Variants in PADI6 observed in about 807,000 individuals in gnomAD.
PADI6 encodes inactive protein-arginine deiminase type-6.
PADI6 carries 66 observed loss-of-function variants against 78.2 expected under a neutral mutation model. That is an observed-to-expected ratio of 0.84 (90% CI 0.69 to 1.04). The LOEUF (loss-of-function observed/expected upper bound fraction) is 1.04, where lower values mean the gene tolerates loss of function less well. PADI6 is among the 50% of genes least tolerant of loss of function. The pLI is 0.00. For missense variants in PADI6, 854 were observed against 866.1 expected (o/e 0.99, Z 0.18); for synonymous variants, 397 against 346.9 (o/e 1.14, Z -1.60).
chr1:17,396,315 G>C (rs964265129), intron 13 of PADI6, among the ~76,000 whole-genome samples: 4 of 152,230 alleles, frequency 2.6e-5, no homozygotes, highest in Non-Finnish European at 5.9e-5. Context: ...TAACCTGGGA[G>C]GTGGAGGTTG....
chr1:17,388,744 G>T, intron 7 of PADI6, 33 bp from the exon 8 acceptor site: 1 of 1,592,066 alleles, frequency 6.3e-7, no homozygotes, highest in Non-Finnish European at 8.6e-7. Context: ...AAATGTGGAA[G>T]CAGGTTGCTA....
intron 8 of PADI6, among the ~76,000 whole-genome samples, chr1:17,390,146 A>G (rs550213101): frequency 6.6e-6 from 1 of 152,090 alleles, no homozygotes; most frequent in African/African-American, 2.4e-5. Flanking sequence ...CTAAAAATAC[A>G]AAAATTAGCC....
rs2100309579 is a variant in PADI6, at chr1:17,388,967, T to C, written c.962+87T>C. ...ATATGCAGGGCAGGGTGGGTGAAGA[T>C]GACTAGGACCTCTCACCAGGAGAGT... On this transcript the variant is annotated intron_variant, in intron 8 of 15. Coordinates refer to ENST00000619609, the MANE Select transcript of PADI6 (RefSeq NM_207421.4). 3 of 1,058,152 alleles carry C rather than the reference T, an allele frequency of 2.8e-6. No individual in the cohort carries two copies. In the East Asian group the frequency reaches 7.6e-5, roughly 27 times the overall value. The allele number at this position is 1,058,152 out of a possible 1,614,324, so 65.5% of individuals were successfully genotyped here. A position where few individuals can be genotyped will look rare whatever the true frequency, so the allele number is the denominator to read the frequency against.
At chr1:17,384,781 G>A (rs1317491509) in intron 6 of PADI6, among the ~76,000 whole-genome samples, 1 of 152,208 alleles carries the variant, frequency 6.6e-6, no homozygotes, top group African/African-American at 2.4e-5. Flanking sequence ...CAAGCCCATA[G>A]TAAAGTCACA....
rs780014112 is a variant in PADI6, at chr1:17,401,240, C to T, written c.1887C>T (p.Ile629=). The T allele has an allele frequency of 6.2e-6, 10 of 1,613,940 alleles. No homozygotes were observed. The highest frequency in any genetic ancestry group is 3.3e-5 in the Admixed American group (2 of 60,006). Residue 629 remains isoleucine (I), a synonymous_variant, in exon 16 of 16, where the codon ATC becomes ATT. Coordinates refer to ENST00000619609, the MANE Select transcript of PADI6 (RefSeq NM_207421.4). The stretch of plus-strand genomic sequence containing the variant: ...TTGTGATGGGCAAGAACCTGGGGAT[C>T]CCCAAGCCTTTTGGGCCCCAAATCA... The part of the protein sequence containing the change: ...RMIVMGKNLG[I]PKPFGPQIKG...
chr1:17,390,609 A>G (rs1175266554), intron 8 of PADI6, among the ~76,000 whole-genome samples: 1 of 151,754 alleles, frequency 6.6e-6, no homozygotes. Flanking sequence ...TCTCAAAAAA[A>G]AAAAAAGACT....
chr1:17,381,239 A>G (rs1225130491), intron 5 of PADI6, 75 bp downstream of exon 5: 5 of 1,294,076 alleles, frequency 3.9e-6, no homozygotes, highest in East Asian at 2.5e-5. Flanking sequence ...TGGATTCCAG[A>G]CTAATTTTCT....
intron 13 of PADI6, among the ~76,000 whole-genome samples, chr1:17,395,875 T>C (rs1239975544): frequency 6.6e-6 from 1 of 152,066 alleles, no homozygotes; most frequent in Non-Finnish European, 1.5e-5. Context: ...CTGGAGGCTG[T>C]TTGGATGTAT....
chr1:17,389,881 T>G (rs1217054419), intron 8 of PADI6, among the ~76,000 whole-genome samples: 2 of 152,200 alleles, frequency 1.3e-5, no homozygotes, highest in Admixed American at 1.3e-4. Context: ...ACCGGCCGCC[T>G]CCAGATTACT....
chr1:17,390,316 A>G (rs2075169547), intron 8 of PADI6, among the ~76,000 whole-genome samples: 1 of 143,080 alleles, frequency 7.0e-6, no homozygotes, highest in Non-Finnish European at 1.5e-5. Context: ...AAAAAATAAA[A>G]TTGCTGGGTG....
At chr1:17,393,127 CAG>C (rs1253903001) in intron 9 of PADI6, among the ~76,000 whole-genome samples, 4 of 151,950 alleles carry the variant, frequency 2.6e-5, no homozygotes, top group South Asian at 2.1e-4. Flanking sequence ...GCCTGGATGA[CAG>C]AGCGAGACTG....
In PADI6 at chr1:17,397,129, T is replaced by C. The variant is rs1409000862; in HGVS notation, c.1677T>C (p.Asn559=). Residue 559 remains asparagine (N), a synonymous_variant, in exon 14 of 16, where the codon AAT becomes AAC. Transcript: ENST00000619609. ...CTGATGAAAGCCTGAAGAAGCAGAATGAATACGTGGAGGTAGGACCAGTGT... is the reference window on the plus strand; with the variant it reads ...CTGATGAAAGCCTGAAGAAGCAGAACGAATACGTGGAGGTAGGACCAGTGT... ...LLADESLKKQ[N]EYVEKCIHLN... 1 of 1,613,848 alleles carries C rather than the reference T, an allele frequency of 6.2e-7. No homozygotes were observed. The highest frequency in any genetic ancestry group is 8.5e-7 in the Non-Finnish European group (1 of 1,179,824).
chr1:17,399,940 C>A (rs2100330401), intron 15 of PADI6, among the ~76,000 whole-genome samples: 1 of 151,674 alleles, frequency 6.6e-6, no homozygotes, highest in South Asian at 2.1e-4. Flanking sequence ...GAGGCTGAAG[C>A]AGGAGGATCC....
chr1:17,381,263 G>C (rs6703392), intron 5 of PADI6, 99 bp downstream of exon 5: 168,697 of 944,620 alleles, frequency 0.18, 17,451 homozygotes, highest in African/African-American at 0.39. Flanking sequence ...CCCCACCCCC[G>C]ACACCCTCTT....
chr1:17,373,706 G>T (rs2074986851), intron 2 of PADI6, among the ~76,000 whole-genome samples: 1 of 152,012 alleles, frequency 6.6e-6, no homozygotes, highest in Non-Finnish European at 1.5e-5. Context: ...TGGCCAGGCT[G>T]GTCTCAAACT....
At chr1:17,391,717 G>A (rs544494237) in intron 8 of PADI6, among the ~76,000 whole-genome samples, 8 of 152,362 alleles carry the variant, frequency 5.3e-5, no homozygotes, top group East Asian at 1.9e-4. Context: ...GTGGGGGGCC[G>A]AGGCAGGAGA....
chr1:17,378,492 C>A (rs146350722), intron 3 of PADI6, among the ~76,000 whole-genome samples: 4 of 152,266 alleles, frequency 2.6e-5, no homozygotes, highest in African/African-American at 7.2e-5. Flanking sequence ...CACACTGGAG[C>A]GACGTGGTTG....
At chr1:17,379,132 T>TTTTTTTTTTG (rs1557597630) in intron 3 of PADI6, among the ~76,000 whole-genome samples, 1 of 136,176 alleles carries the variant, frequency 7.3e-6, no homozygotes, top group African/African-American at 3.4e-5. Context: ...TTTTTTTTTT[T>TTTTTTTTTTG]AAGACGGAGT....
intron 15 of PADI6, among the ~76,000 whole-genome samples, chr1:17,399,729 T>TAAA (rs71575834): frequency 0.077 from 11,361 of 147,596 alleles, 499 homozygotes; most frequent in Middle Eastern, 0.15. Context: ...CCTGCAACTT[T>TAAA]AAAAAAAAGA....
Sources: allele counts gnomAD v4.1 joint callset (sites outside exome capture counted in the v4.1 genomes callset), GRCh38; gene constraint gnomAD v4.1.1; transcripts MANE v1.5; gene names NCBI Gene and HGNC (gene_info 2026-07-23, HGNC 2026-07-21).